Variants in KCNT2 observed in about 807,000 individuals in gnomAD.
The protein encoded by KCNT2 is potassium channel subfamily T member 2.
In KCNT2, 67 loss-of-function variants were observed where a neutral mutation model predicts 153.8. The ratio of observed to expected loss-of-function variants is 0.44; its 90% CI spans 0.36 to 0.53. The LOEUF is 0.53. Ranked by LOEUF, KCNT2 falls within the 20% of genes least tolerant of loss-of-function variation. The pLI is 0.00. For missense variants in KCNT2, 975 were observed against 1,354.8 expected (o/e 0.72, Z 4.40); for synonymous variants, 500 against 458.8 (o/e 1.09, Z -1.15).
chr1:196,378,028 C>A (rs909130437), intron 13 of KCNT2, among the ~76,000 whole-genome samples: 1 of 152,042 alleles, frequency 6.6e-6, no homozygotes, highest in African/African-American at 2.4e-5. Flanking sequence ...CAGTTACTGA[C>A]ACATAGAGAG....
At chr1:196,431,696 T>C (rs910710457) in intron 8 of KCNT2, among the ~76,000 whole-genome samples, 1 of 152,108 alleles carries the variant, frequency 6.6e-6, no homozygotes, top group African/African-American at 2.4e-5. Flanking sequence ...TTCGAGGCGA[T>C]GTATTGTGTT....
intron 15 of KCNT2, among the ~76,000 whole-genome samples, chr1:196,341,563 T>G (rs979056155): frequency 7.2e-5 from 11 of 151,948 alleles, no homozygotes; most frequent in African/African-American, 2.7e-4. Context: ...TTTCATTATA[T>G]ACATACATTT....
intron 26 of KCNT2, chr1:196,257,498 T>C (rs1656617020): frequency 2.0e-6 from 2 of 976,230 alleles, no homozygotes; most frequent in Non-Finnish European, 2.4e-6. Flanking sequence ...ACCTTGTTTA[T>C]CATTTGGTTT....
chr1:196,331,142 C>T lies in KCNT2; in HGVS notation c.2103+14G>A. On this transcript the variant is annotated intron_variant, in intron 18 of 27. Transcript: ENST00000294725. ...TTTTATTTTGTAAACAAAAAAGCATCAACAAGTACTTACCTTGTCTAATCT... is the reference window on the plus strand; with the variant it reads ...TTTTATTTTGTAAACAAAAAAGCATTAACAAGTACTTACCTTGTCTAATCT... The T allele has an allele frequency of 7.3e-7, 1 of 1,379,130 alleles. No homozygotes were observed. The highest frequency in any genetic ancestry group is 1.2e-5 in the South Asian group (1 of 84,328). 85.4% of individuals were successfully genotyped at this position (1,379,130 alleles called of 1,614,324 possible).
Position 196,502,223 on chromosome 1 carries a change from T to C in KCNT2, c.96-9882A>G, listed in dbSNP as rs1680762598. On this transcript the variant is annotated intron_variant, in intron 1 of 27. Coordinates refer to ENST00000294725, the MANE Select transcript of KCNT2 (RefSeq NM_198503.5). ...ACACAGAGAAACGCAATTTAAATGT[T>C]GTGCAATTTTTCCTAAGATATTTCC... 2.6e-5 allele frequency among the ~76,000 whole-genome samples: 4 copies of C among 152,332 alleles called. No homozygotes were observed. In the South Asian group the frequency reaches 8.3e-4, roughly 32 times the overall value.
chr1:196,605,285 A>C (rs1044275189), intron 1 of KCNT2, among the ~76,000 whole-genome samples: 2 of 152,166 alleles, frequency 1.3e-5, no homozygotes, highest in Non-Finnish European at 1.5e-5. Context: ...ATCACAGATA[A>C]AATACCAGTA....
chr1:196,384,502 ACCATCATGGCGAAAGC>A (rs1669783489), intron 13 of KCNT2, among the ~76,000 whole-genome samples: 1 of 152,038 alleles, frequency 6.6e-6, no homozygotes. Context: ...AACCAGCTTG[ACCATCATGGCGAAAGC>A]CCATCTCTAC....
At position 196,479,203 on chromosome 1, in the gene KCNT2, T is replaced by C. The variant is rs1345913106; in HGVS notation, c.360A>G (p.Ile120Met). Residue 120 changes from isoleucine to methionine, a missense_variant, in exon 5 of 28, where the codon ATA becomes ATG. By Grantham distance (10) the Ile-to-Met change is conservative (BLOSUM62 1). Coordinates refer to ENST00000294725, the MANE Select transcript of KCNT2 (RefSeq NM_198503.5). ...CCTTATAACTAAGATAACCAAGTAA[T>C]ATTGTTTCAAACAGACTTATCAATG... ...SVALISLFET[I>M]LLGYLSYKGN... 6.3e-7 allele frequency: 1 copy of C among 1,576,784 alleles called. No individual in the cohort carries two copies. Among genetic ancestry groups the C allele is most frequent in the Admixed American group, 1.7e-5 (1 of 57,846 alleles).
At chr1:196,550,128 T>G (rs1657697338) in intron 1 of KCNT2, among the ~76,000 whole-genome samples, 1 of 151,960 alleles carries the variant, frequency 6.6e-6, no homozygotes, top group South Asian at 2.1e-4. Context: ...TTACATTTTT[T>G]GAGTGTTCAA....
chr1:196,457,845 G>A (rs990761518), intron 8 of KCNT2, among the ~76,000 whole-genome samples: 32 of 151,964 alleles, frequency 2.1e-4, no homozygotes, highest in African/African-American at 7.5e-4. Flanking sequence ...GAGAGTACAG[G>A]TGAGAGAGCC....
At chr1:196,350,621 A>G (rs1241666566) in intron 14 of KCNT2, among the ~76,000 whole-genome samples, 1 of 152,166 alleles carries the variant, frequency 6.6e-6, no homozygotes, top group Non-Finnish European at 1.5e-5. Flanking sequence ...TCAGATGAGT[A>G]GGCTGCGAAA....
At position 196,280,897 on chromosome 1, in the gene KCNT2, A is replaced by G; in HGVS notation, c.2873T>C (p.Ile958Thr). The G allele has an allele frequency of 6.2e-7, 1 of 1,611,858 alleles. No individual in the cohort carries two copies. The highest frequency in any genetic ancestry group is 8.5e-7 in the Non-Finnish European group (1 of 1,178,088). The change falls in exon 25 of 28, where the codon ATC becomes ACC. Residue 958 changes from isoleucine (I) to threonine (T), a missense_variant. By Grantham distance (89) the Ile-to-Thr change is moderately conservative. This residue lies in a region of KCNT2 where 241 missense variants were observed against 271.1 expected (regional missense o/e 0.89). Coordinates refer to ENST00000294725, the MANE Select transcript of KCNT2 (RefSeq NM_198503.5). ...CSSTGDVPIG[I>T]YRTESQKLTT... is the part of the protein sequence containing the mutation. ...AAGTTTCTGAGACTCAGTCCTGTAG[A>G]TTCCAATGGGAACATCTCCAGTAGA...
At chr1:196,521,038 C>T (rs1572711007) in intron 1 of KCNT2, among the ~76,000 whole-genome samples, 2 of 152,056 alleles carry the variant, frequency 1.3e-5, no homozygotes, top group East Asian at 1.9e-4. Context: ...AAAATATTTG[C>T]TAACTATACA....
chr1:196,526,537 T>A (rs1345392795), intron 1 of KCNT2, among the ~76,000 whole-genome samples: 1 of 151,662 alleles, frequency 6.6e-6, no homozygotes, highest in African/African-American at 2.4e-5. Flanking sequence ...CACTACAACC[T>A]CCGCCTCCCA....
intron 1 of KCNT2, among the ~76,000 whole-genome samples, chr1:196,567,858 T>A (rs1201686156): frequency 6.6e-6 from 1 of 152,242 alleles, no homozygotes; most frequent in African/African-American, 2.4e-5. Context: ...AACCTTTCTT[T>A]ATCCAATACT....
Position 196,417,070 on chromosome 1 carries a change from C to T in KCNT2, c.1185+5980G>A, listed in dbSNP as rs556076621. Among the ~76,000 whole-genome samples the T allele has an allele frequency of 2.3e-3, 353 of 152,148 alleles. 3 individuals carry two copies. Among genetic ancestry groups the T allele is most frequent in the African/African-American group, 8.0e-3 (332 of 41,536 alleles). On this transcript the variant is annotated intron_variant, in intron 12 of 27. Transcript: ENST00000294725. Reference sequence around the variant, plus strand: ...CGTAAGTAAATGCATCTATTACATACCCACAGAAATTTTTTTTAAAACAAT... The same window carrying T: ...CGTAAGTAAATGCATCTATTACATATCCACAGAAATTTTTTTTAAAACAAT...
At chr1:196,562,284 T>C (rs1447098040) in intron 1 of KCNT2, among the ~76,000 whole-genome samples, 1 of 151,976 alleles carries the variant, frequency 6.6e-6, no homozygotes, top group African/African-American at 2.4e-5. Flanking sequence ...AGGCTGGAAT[T>C]TGGTACCTTA....
At chr1:196,275,239 G>A (rs1164903423) in intron 25 of KCNT2, among the ~76,000 whole-genome samples, 1 of 151,804 alleles carries the variant, frequency 6.6e-6, no homozygotes, top group Non-Finnish European at 1.5e-5. Flanking sequence ...TTCGAACCAG[G>A]AGTATCTGAT....
rs1671464195 is a variant in KCNT2, at chr1:196,402,111, A to AGAAATGTACTTTCCTTATTCTAAAATAAG, written c.1186-3469_1186-3441dup. ...TGAAATAAAGGACTTTTTAAAATAA[A>AGAAATGTACTTTCCTTATTCTAAAATAAG]GAAATGTACTTTCCTTATTCTAAAA... On this transcript the variant is annotated intron_variant, in intron 12 of 27. Coordinates refer to ENST00000294725, the MANE Select transcript of KCNT2 (RefSeq NM_198503.5). Among the ~76,000 whole-genome samples, 3 of 151,534 alleles carry AGAAATGTACTTTCCTTATTCTAAAATAAG rather than the reference A, an allele frequency of 2.0e-5. No individual in the cohort carries two copies. The East Asian group carries it at 5.8e-4, about 30-fold the overall frequency.
Sources: allele counts gnomAD v4.1 joint callset (sites outside exome capture counted in the v4.1 genomes callset), GRCh38; gene constraint gnomAD v4.1.1; regional missense constraint gnomAD v4.1.1; transcripts MANE v1.5; gene names NCBI Gene and HGNC (gene_info 2026-07-23, HGNC 2026-07-21).